CEP63: variants seen among roughly 807,000 people sequenced by gnomAD.
CEP63 encodes the protein centrosomal protein 63, also known as centrosomal protein of 63 kDa.
CEP63 carries 84 observed loss-of-function variants against 89.1 expected under a neutral mutation model. The ratio of observed to expected loss-of-function variants is 0.94; its 90% CI spans 0.79 to 1.13. The LOEUF (loss-of-function observed/expected upper bound fraction) is 1.13. CEP63 is among the 50% of genes most tolerant of loss of function. The pLI is 0.00. For synonymous variants in CEP63, 267 were observed against 272.5 expected (o/e 0.98, Z 0.20); for missense variants, 838 against 813.3 (o/e 1.03, Z -0.37).
chr3:134,663,582 G>C, the CEP63 span, among the ~76,000 whole-genome samples: 1 of 152,224 alleles, frequency 6.6e-6, no homozygotes, highest in Non-Finnish European at 1.5e-5. Context: ...CTGTCCGTCT[G>C]CTCAGAAACC....
the CEP63 span, among the ~76,000 whole-genome samples, chr3:134,692,101 T>TA: frequency 2.8e-4 from 40 of 140,578 alleles, 1 homozygote; most frequent in African/African-American, 6.3e-4. Flanking sequence ...GATTTTTTTT[T>TA]TAATTAATTA....
the CEP63 span, among the ~76,000 whole-genome samples, chr3:134,600,349 C>T: frequency 6.6e-6 from 1 of 152,248 alleles, no homozygotes; most frequent in African/African-American, 2.4e-5. Flanking sequence ...CTTGTCCCTC[C>T]TGCTTAACAA....
chr3:134,730,676 C>A, the CEP63 span, among the ~76,000 whole-genome samples: 1 of 151,616 alleles, frequency 6.6e-6, no homozygotes, highest in Non-Finnish European at 1.5e-5. Flanking sequence ...AAACTATAAA[C>A]TTAAAAAAAT....
the CEP63 span, among the ~76,000 whole-genome samples, chr3:134,636,375 T>G: frequency 1.3e-5 from 2 of 152,230 alleles, no homozygotes; most frequent in Non-Finnish European, 2.9e-5. Context: ...GGGCTGGGCT[T>G]TTGACTTGGT....
chr3:134,683,223 CAT>C, the CEP63 span, among the ~76,000 whole-genome samples: 1 of 152,232 alleles, frequency 6.6e-6, no homozygotes, highest in African/African-American at 2.4e-5. Context: ...TCATCTGACA[CAT>C]GATTAAACTT....
Position 134,559,351 on chromosome 3 carries a change from A to G in CEP63, c.1875A>G (p.Ser625=). 6.2e-7 allele frequency: 1 copy of G among 1,614,134 alleles called. No homozygotes were observed. The highest frequency in any genetic ancestry group is 2.2e-5 in the East Asian group (1 of 44,872). ...TATGTAAAACTCATTCTTTGCCTTC[A>G]GCGCTAGATACAAATGAAGCCAATT... is the stretch of plus-strand genomic sequence containing the variant. ...YSLCKTHSLP[S]ALDTNEANFS... is the part of the protein sequence containing the mutation. Residue 625 remains serine (S), a synonymous_variant, in exon 14 of 15, where the codon TCA becomes TCG. Transcript: ENST00000675561.
At chr3:134,726,690 C>T in the CEP63 span, among the ~76,000 whole-genome samples, 4 of 152,082 alleles carry the variant, frequency 2.6e-5, no homozygotes, top group Admixed American at 6.6e-5. Flanking sequence ...CTTGGGATCC[C>T]GGCCATGGCT....
chr3:134,676,391 G>C, the CEP63 span, among the ~76,000 whole-genome samples: 3 of 152,170 alleles, frequency 2.0e-5, no homozygotes, highest in Non-Finnish European at 4.4e-5. Context: ...AGTTCAAAGA[G>C]ATAAAAAGTA....
the CEP63 span, among the ~76,000 whole-genome samples, chr3:134,686,687 A>G: frequency 2.6e-5 from 4 of 152,254 alleles, no homozygotes; most frequent in Non-Finnish European, 5.9e-5. Context: ...AAGTAACTGC[A>G]ACTACAAACA....
At chr3:134,517,759 A>G (rs535435936) in intron 3 of CEP63, among the ~76,000 whole-genome samples, 1 of 152,342 alleles carries the variant, frequency 6.6e-6, no homozygotes, top group Non-Finnish European at 1.5e-5. Flanking sequence ...CTTTGAATTC[A>G]AAATGAAAAT....
the CEP63 span, among the ~76,000 whole-genome samples, chr3:134,746,611 A>G: frequency 2.0e-5 from 3 of 152,198 alleles, no homozygotes; most frequent in Non-Finnish European, 4.4e-5. Flanking sequence ...AATGATTGCT[A>G]TTCTAACTGG....
the CEP63 span, among the ~76,000 whole-genome samples, chr3:134,606,648 A>G: frequency 6.6e-6 from 1 of 152,110 alleles, no homozygotes; most frequent in Non-Finnish European, 1.5e-5. Context: ...CTCTGTGGTG[A>G]AGGGGCTAGC....
the CEP63 span, among the ~76,000 whole-genome samples, chr3:134,675,956 A>G: frequency 6.6e-6 from 1 of 152,222 alleles, no homozygotes; most frequent in African/African-American, 2.4e-5. Context: ...ATACAGCCAC[A>G]TTGGAGTGCT....
the CEP63 span, chr3:134,639,716 CA>C: frequency 1.6e-4 from 25 of 151,592 alleles, no homozygotes; most frequent in African/African-American, 6.1e-4. Context: ...GAAACTGAGA[CA>C]GGGGGATTGC....
At chr3:134,712,952 A>T in the CEP63 span, among the ~76,000 whole-genome samples, 4 of 152,356 alleles carry the variant, frequency 2.6e-5, no homozygotes, top group Admixed American at 2.6e-4. Flanking sequence ...GGACTGTTCC[A>T]GGCCAGAGCA....
rs559459086 is a variant in CEP63, at chr3:134,525,347, G to GT, written c.223-6492dup. On this transcript the variant is annotated intron_variant, in intron 3 of 14. Coordinates refer to ENST00000675561, the MANE Select transcript of CEP63 (RefSeq NM_001353108.3). ...TTCTAGATTTGTTGATCTTTTTAATGTTTTTTCATGTCTCAGTCTCCTTCA... is the reference window on the plus strand; with the variant it reads ...TTCTAGATTTGTTGATCTTTTTAATGTTTTTTTCATGTCTCAGTCTCCTTCA... 2.1e-3 allele frequency among the ~76,000 whole-genome samples: 314 copies of GT among 152,160 alleles called. 1 individual carries two copies. Among genetic ancestry groups the GT allele is most frequent in the Middle Eastern group, 0.014 (4 of 294 alleles).
the CEP63 span, among the ~76,000 whole-genome samples, chr3:134,677,911 C>T: frequency 6.6e-6 from 1 of 151,934 alleles, no homozygotes; most frequent in South Asian, 2.1e-4. Flanking sequence ...CTCTCCACGT[C>T]CCTATCACTA....
chr3:134,771,259 CA>C, the CEP63 span, among the ~76,000 whole-genome samples: 1 of 152,282 alleles, frequency 6.6e-6, no homozygotes, highest in South Asian at 2.1e-4. Flanking sequence ...TAGCAAAAAC[CA>C]TGGAATACTA....
the CEP63 span, among the ~76,000 whole-genome samples, chr3:134,668,371 A>G: frequency 6.6e-6 from 1 of 152,154 alleles, no homozygotes; most frequent in Non-Finnish European, 1.5e-5. Flanking sequence ...CATGAAGCCT[A>G]TGGTCATGAG....
Sources: gnomAD v4.1 joint callset for allele counts (sites outside exome capture counted in the v4.1 genomes callset) on GRCh38, gnomAD v4.1.1 for gene constraint, MANE v1.5 for transcripts, NCBI Gene and HGNC (gene_info 2026-07-23, HGNC 2026-07-21) for gene names.